Variants in DLG2 observed in about 807,000 individuals in gnomAD.
DLG2 encodes the protein discs large MAGUK scaffold protein 2.
A neutral mutation model predicts 132.5 loss-of-function variants in DLG2; 45 were observed. The observed-to-expected ratio is 0.34, with a 90% CI of 0.27 to 0.44. DLG2 has a LOEUF of 0.44. Among genes scored for constraint, DLG2 ranks in the 20% least tolerant of loss-of-function variants. The pLI is 1.00. For missense variants in DLG2, 1,045 were observed against 1,196.9 expected (o/e 0.87, Z 1.87); for synonymous variants, 424 against 419.6 (o/e 1.01, Z -0.13).
At chr11:84,505,971 T>C (rs1184232715) in intron 7 of DLG2, among the ~76,000 whole-genome samples, 1 of 152,086 alleles carries the variant, frequency 6.6e-6, no homozygotes, top group African/African-American at 2.4e-5. Flanking sequence ...CTGTGTTACC[T>C]TATATGACAG....
At chr11:84,551,008 G>A (rs1001016114) in intron 6 of DLG2, among the ~76,000 whole-genome samples, 2 of 152,096 alleles carry the variant, frequency 1.3e-5, no homozygotes, top group Non-Finnish European at 2.9e-5. Context: ...ATTGTCTCTG[G>A]TGGTGGTGCA....
chr11:83,968,546 T>C (rs2090699310), intron 12 of DLG2, among the ~76,000 whole-genome samples: 1 of 152,228 alleles, frequency 6.6e-6, no homozygotes, highest in African/African-American at 2.4e-5. Flanking sequence ...TCAATAATCA[T>C]AGTAAACACA....
intron 3 of DLG2, among the ~76,000 whole-genome samples, chr11:85,299,933 T>C (rs181630814): frequency 6.6e-6 from 1 of 152,358 alleles, no homozygotes; most frequent in East Asian, 1.9e-4. Context: ...TCTTCTTTGC[T>C]ATAATATGTC....
Position 84,556,879 on chromosome 11 carries a change from T to C in DLG2, c.358-22148A>G, listed in dbSNP as rs1381779286. ...TAATGGCCCTACATAACAAAGTAAT[T>C]TACATCAGCTATACAATCTATAAGG... On this transcript the variant is annotated intron_variant, in intron 6 of 27. Transcript: ENST00000376104. 2.6e-5 allele frequency among the ~76,000 whole-genome samples: 4 copies of C among 152,200 alleles called. No homozygotes were observed. In the East Asian group the frequency reaches 7.7e-4, roughly 29 times the overall value.
intron 6 of DLG2, among the ~76,000 whole-genome samples, chr11:84,824,797 C>A (rs1267935733): frequency 2.0e-5 from 3 of 151,826 alleles, no homozygotes; most frequent in African/African-American, 7.3e-5. Flanking sequence ...TCGCAACACT[C>A]AGAGCTAACA....
Position 85,514,549 on chromosome 11 carries a change from C to G in DLG2, c.40+84108G>C, listed in dbSNP as rs191034111. On this transcript the variant is annotated intron_variant, in intron 3 of 27. Coordinates refer to ENST00000376104, the MANE Select transcript of DLG2 (RefSeq NM_001142699.3). Reference sequence around the variant, plus strand: ...GATTCTTACAGCACTTTTTGGAACACTGAATACCAAACAGTTATCATTCCT... The same window carrying G: ...GATTCTTACAGCACTTTTTGGAACAGTGAATACCAAACAGTTATCATTCCT... 7.8e-4 allele frequency among the ~76,000 whole-genome samples: 118 copies of G among 152,026 alleles called. 2 individuals are homozygous for G. Among genetic ancestry groups the G allele is most frequent in the Middle Eastern group, 3.4e-3 (1 of 294 alleles).
chr11:84,078,234 G>T (rs561473433), intron 10 of DLG2, among the ~76,000 whole-genome samples: 27 of 152,242 alleles, frequency 1.8e-4, no homozygotes, highest in Non-Finnish European at 2.9e-4. Flanking sequence ...TAAGTGATCA[G>T]AAATCTTGTT....
In DLG2 at chr11:83,737,073, C is replaced by T. The variant is rs774535225; in HGVS notation, c.1825+49617G>A. Among the ~76,000 whole-genome samples, 3 of 152,072 alleles carry T rather than the reference C, an allele frequency of 2.0e-5. 1 individual carries two copies. The highest frequency in any genetic ancestry group is 4.1e-4 in the South Asian group (2 of 4,824). ...TAAGCCATAGGCCACACTGTAGAGCCCCAAAAACCACACCTGTTTGGATAA... is the reference window on the plus strand; with the variant it reads ...TAAGCCATAGGCCACACTGTAGAGCTCCAAAAACCACACCTGTTTGGATAA... On this transcript the variant is annotated intron_variant, in intron 18 of 27. Transcript: ENST00000376104.
chr11:84,395,813 C>G (rs939291792), intron 7 of DLG2, among the ~76,000 whole-genome samples: 1 of 152,098 alleles, frequency 6.6e-6, no homozygotes. Flanking sequence ...AAGTTTTGTT[C>G]GTTTAAAAAT....
rs535262014 is a variant in DLG2, at chr11:84,600,328, C to A, written c.358-65597G>T. Among the ~76,000 whole-genome samples the A allele has an allele frequency of 2.2e-4, 33 of 152,176 alleles. No individual in the cohort carries two copies. The East Asian group carries it at 5.8e-3, about 27-fold the overall frequency. ...GGGCAAAAATAGGGCATTTCTGAGT[C>A]CCTAGCCATCATACCATCAATGAAG... is the stretch of plus-strand genomic sequence containing the variant. On this transcript the variant is annotated intron_variant, in intron 6 of 27. Transcript: ENST00000376104.
At chr11:84,624,957 A>G (rs1594146438) in intron 6 of DLG2, among the ~76,000 whole-genome samples, 1 of 137,754 alleles carries the variant, frequency 7.3e-6, no homozygotes. Context: ...TCCCGGGTTC[A>G]CGCCATTCTC....
chr11:84,438,977 C>T (rs2099009529), intron 7 of DLG2, among the ~76,000 whole-genome samples: 1 of 151,658 alleles, frequency 6.6e-6, no homozygotes. Flanking sequence ...GTGGAATCAA[C>T]AACAACAACA....
chr11:83,480,260 T>C, intron 22 of DLG2: 1 of 860,328 alleles, frequency 1.2e-6, no homozygotes, highest in Middle Eastern at 2.2e-4. Flanking sequence ...TTGCTTTGAA[T>C]ACAGATGATA....
At chr11:83,809,190 T>C (rs2046655497) in intron 17 of DLG2, among the ~76,000 whole-genome samples, 2 of 152,178 alleles carry the variant, frequency 1.3e-5, no homozygotes, top group Admixed American at 1.3e-4. Flanking sequence ...GAAAGTCTCA[T>C]AATTAGACTT....
At chr11:84,482,618 T>C (rs989048877) in intron 7 of DLG2, among the ~76,000 whole-genome samples, 2 of 152,198 alleles carry the variant, frequency 1.3e-5, no homozygotes, top group Non-Finnish European at 2.9e-5. Flanking sequence ...TGTTGAAGAA[T>C]AAATCTAATA....
chr11:84,198,295 T>A lies in DLG2; in HGVS notation c.574-34784A>T, dbSNP rs150207044. On this transcript the variant is annotated intron_variant, in intron 8 of 27. Transcript: ENST00000376104. The stretch of plus-strand genomic sequence containing the variant: ...CCTTGATGCTTTTTCTATAATACCA[T>A]AATACTTTCACCACAAAATATAGGA... 9.3e-3 allele frequency among the ~76,000 whole-genome samples: 1,415 copies of A among 152,262 alleles called. 15 individuals carry two copies. The highest frequency in any genetic ancestry group is 0.012 in the Non-Finnish European group (817 of 67,996).
intron 3 of DLG2, among the ~76,000 whole-genome samples, chr11:85,508,696 C>A (rs918445714): frequency 3.3e-5 from 5 of 151,926 alleles, no homozygotes; most frequent in African/African-American, 1.2e-4. Flanking sequence ...AACAAACATA[C>A]CAAAGTGTTA....
chr11:84,985,427 GAAC>G (rs1310417154), intron 6 of DLG2, among the ~76,000 whole-genome samples: 1 of 151,996 alleles, frequency 6.6e-6, no homozygotes, highest in African/African-American at 2.4e-5. Flanking sequence ...TCTTCACACT[GAAC>G]AACAATAGTG....
intron 19 of DLG2, among the ~76,000 whole-genome samples, chr11:83,558,848 CGTGTGTGTGTGT>C (rs3039336): frequency 0.024 from 3,428 of 142,314 alleles, 146 homozygotes; most frequent in African/African-American, 0.083. Context: ...TGCTAGATGT[CGTGTGTGTGTGT>C]GTGTGTGTGT....
Sources: allele counts gnomAD v4.1 joint callset (sites outside exome capture counted in the v4.1 genomes callset), GRCh38; gene constraint gnomAD v4.1.1; transcripts MANE v1.5; gene names NCBI Gene and HGNC (gene_info 2026-07-23, HGNC 2026-07-21).